Variants in NDRG3 observed in about 807,000 individuals in gnomAD.
The protein encoded by NDRG3 is protein NDRG3.
NDRG3 carries 23 observed loss-of-function variants against 57.2 expected under a neutral mutation model. The ratio of observed to expected loss-of-function variants is 0.40; its 90% CI spans 0.29 to 0.57. The LOEUF is 0.57. Among genes scored for constraint, NDRG3 ranks in the 20% least tolerant of loss-of-function variants. The pLI is 0.42. For missense variants in NDRG3, 384 were observed against 457.3 expected (o/e 0.84, Z 1.46); for synonymous variants, 132 against 162.6 (o/e 0.81, Z 1.43).
Position 36,653,484 on chromosome 20 carries a change from G to T in NDRG3, c.*36C>A. 1 of 1,588,282 alleles carries T rather than the reference G, an allele frequency of 6.3e-7. No individual in the cohort carries two copies. Among genetic ancestry groups the T allele is most frequent in the Non-Finnish European group, 8.6e-7 (1 of 1,160,154 alleles). ...TATATTATGGAGTGGTCATTTGAAGGATGGACTTGCAATGGTCCAGGGGAG... is the reference window on the plus strand; with the variant it reads ...TATATTATGGAGTGGTCATTTGAAGTATGGACTTGCAATGGTCCAGGGGAG... On this transcript the variant is annotated 3_prime_UTR_variant, in exon 16 of 16. Transcript: ENST00000349004. This position sits in a 1 kb window ranked among gnomAD's most constrained non-coding sequence, Gnocchi z 4.2.
intron 1 of NDRG3, among the ~76,000 whole-genome samples, chr20:36,740,306 C>A (rs1985863209): frequency 6.6e-6 from 1 of 152,188 alleles, no homozygotes; most frequent in Non-Finnish European, 1.5e-5. Flanking sequence ...TGCAAAGAAG[C>A]CGGATTCCTC....
intron 8 of NDRG3, among the ~76,000 whole-genome samples, chr20:36,674,150 G>A (rs575927469): frequency 1.1e-3 from 174 of 152,222 alleles, no homozygotes; most frequent in Non-Finnish European, 2.0e-3. Flanking sequence ...TACACAGTAA[G>A]CACTACATAG....
intron 2 of NDRG3, among the ~76,000 whole-genome samples, chr20:36,720,551 T>C (rs1984530305): frequency 6.6e-6 from 1 of 151,868 alleles, no homozygotes; most frequent in African/African-American, 2.4e-5. Context: ...CCTTGTGTAG[T>C]TCTCTGACAC....
At chr20:36,659,897 C>T (rs763239545) in intron 13 of NDRG3, among the ~76,000 whole-genome samples, 37 of 150,788 alleles carry the variant, frequency 2.5e-4, no homozygotes, top group Admixed American at 5.3e-4. Context: ...CCGCACCTGG[C>T]CAAAAGGATT....
intron 3 of NDRG3, among the ~76,000 whole-genome samples, chr20:36,695,411 G>A (rs547854995): frequency 1.9e-4 from 29 of 152,310 alleles, no homozygotes; most frequent in African/African-American, 7.0e-4. Context: ...GCAGGACAGA[G>A]CCATATTTCT....
chr20:36,717,263 C>T (rs1247997623), intron 2 of NDRG3, among the ~76,000 whole-genome samples: 1 of 152,128 alleles, frequency 6.6e-6, no homozygotes, highest in Non-Finnish European at 1.5e-5. Context: ...CAACATAAGC[C>T]TTGCTCAAAG....
At chr20:36,740,720 C>T (rs1039763177) in intron 1 of NDRG3, among the ~76,000 whole-genome samples, 1 of 152,150 alleles carries the variant, frequency 6.6e-6, no homozygotes, top group African/African-American at 2.4e-5. Flanking sequence ...TCTGAGTGGA[C>T]TACTAGCCCT....
intron 1 of NDRG3, among the ~76,000 whole-genome samples, chr20:36,724,957 C>A (rs780487913): frequency 5.9e-5 from 9 of 151,428 alleles, no homozygotes; most frequent in Non-Finnish European, 8.8e-5. Flanking sequence ...CAAAACAAAA[C>A]CAGCTTTTTC....
At chr20:36,679,783 C>T (rs1039343628) in intron 8 of NDRG3, among the ~76,000 whole-genome samples, 8 of 151,914 alleles carry the variant, frequency 5.3e-5, no homozygotes, top group East Asian at 3.9e-4. Context: ...GAATTACAGG[C>T]GTGAGCCACC....
At chr20:36,683,365 G>C (rs1193160763) in intron 6 of NDRG3, among the ~76,000 whole-genome samples, 1 of 152,056 alleles carries the variant, frequency 6.6e-6, no homozygotes, top group Non-Finnish European at 1.5e-5. Context: ...TATGATCCCA[G>C]GACTTTGAGA....
intron 2 of NDRG3, among the ~76,000 whole-genome samples, chr20:36,720,831 C>T (rs184232756): frequency 1.1e-4 from 16 of 149,350 alleles, no homozygotes; most frequent in Non-Finnish European, 2.1e-4. Context: ...GGTGCAGTGG[C>T]GCAGTCTTGG....
chr20:36,665,807 A>G (rs1236033099), intron 10 of NDRG3, among the ~76,000 whole-genome samples: 1 of 152,194 alleles, frequency 6.6e-6, no homozygotes, highest in African/African-American at 2.4e-5. Flanking sequence ...TATGTTGGCC[A>G]GGCTGGTCTT....
Position 36,667,674 on chromosome 20 carries a change from A to C in NDRG3, c.589-1282T>G, listed in dbSNP as rs528833378. On this transcript the variant is annotated intron_variant, in intron 9 of 15. Coordinates refer to ENST00000349004, the MANE Select transcript of NDRG3 (RefSeq NM_032013.4). ...CAATAAGCAGTTTTAAGCATAAAGAAATTGCATTGGAGGAAAGAAATATAT... is the reference window on the plus strand; with the variant it reads ...CAATAAGCAGTTTTAAGCATAAAGACATTGCATTGGAGGAAAGAAATATAT... Among the ~76,000 whole-genome samples, 15 of 152,322 alleles carry C rather than the reference A, an allele frequency of 9.8e-5. No homozygotes were observed. The Middle Eastern group carries it at 0.014, about 138-fold the overall frequency.
intron 10 of NDRG3, 109 bp downstream of exon 10, chr20:36,666,180 A>G: frequency 1.3e-6 from 1 of 789,956 alleles, no homozygotes; most frequent in Non-Finnish European, 2.1e-6. Flanking sequence ...TCACATTTTC[A>G]CCTCGGAGAA....
At chr20:36,665,395 A>AAGATAGTTTCGCAT in intron 10 of NDRG3, 94 bp from the exon 11 acceptor site, 1 of 1,099,192 alleles carries the variant, frequency 9.1e-7, no homozygotes, top group Non-Finnish European at 1.4e-6. Flanking sequence ...TTATCAAGGA[A>AAGATAGTTTCGCAT]TGCGAAACTA....
At chr20:36,687,729 A>C in intron 4 of NDRG3, 117 bp from the exon 5 acceptor site, 1 of 1,195,632 alleles carries the variant, frequency 8.4e-7, no homozygotes, top group Non-Finnish European at 1.2e-6. Flanking sequence ...CATTCCACCA[A>C]AGTGAGGTGT....
chr20:36,706,674 T>G (rs958377978), intron 3 of NDRG3, among the ~76,000 whole-genome samples: 3 of 152,110 alleles, frequency 2.0e-5, no homozygotes, highest in African/African-American at 4.8e-5. Context: ...TGGCTAATTT[T>G]TGTATTTTTA....
intron 8 of NDRG3, among the ~76,000 whole-genome samples, chr20:36,672,813 A>G (rs1980291986): frequency 6.6e-6 from 1 of 151,174 alleles, no homozygotes; most frequent in African/African-American, 2.4e-5. Context: ...TGGGCAACAG[A>G]GCAAGATTCC....
In NDRG3 at chr20:36,652,785, A is replaced by G. The variant is rs979926523; in HGVS notation, c.*735T>C. On this transcript the variant is annotated 3_prime_UTR_variant, in exon 16 of 16. Transcript: ENST00000349004. ...ACATTCACTCCTTGGAAAAAACTCT[A>G]TGTTGTATCAGAACCTCAGCGATGG... The G allele has an allele frequency of 9.9e-5, 15 of 152,218 alleles. No homozygotes were observed. Among genetic ancestry groups the G allele is most frequent in the Admixed American group, 6.5e-4 (10 of 15,278 alleles). 9.4% of individuals were successfully genotyped at this position (152,218 alleles called of 1,614,324 possible).
Sources: gnomAD v4.1 joint callset for allele counts (sites outside exome capture counted in the v4.1 genomes callset) on GRCh38, gnomAD v4.1.1 for gene constraint, Gnocchi (gnomAD v3.1) non-coding constraint, MANE v1.5 for transcripts, NCBI Gene and HGNC (gene_info 2026-07-23, HGNC 2026-07-21) for gene names.